Variants in RPRD1A observed in about 807,000 individuals in gnomAD.
RPRD1A encodes the protein regulation of nuclear pre-mRNA domain-containing protein 1A.
In RPRD1A, 9 loss-of-function variants were observed where a neutral mutation model predicts 37.8. The ratio of observed to expected loss-of-function variants is 0.24; its 90% CI spans 0.14 to 0.42. RPRD1A has a LOEUF of 0.42. Among genes scored for constraint, RPRD1A ranks in the 10% least tolerant of loss-of-function variants. RPRD1A has a pLI of 1.00. For synonymous variants in RPRD1A, 138 were observed against 139.7 expected (o/e 0.99, Z 0.08); for missense variants, 255 against 371.0 (o/e 0.69, Z 2.57).
At chr18:36,012,897 T>A (rs1483987430) in intron 6 of RPRD1A, among the ~76,000 whole-genome samples, 1 of 152,236 alleles carries the variant, frequency 6.6e-6, no homozygotes. Context: ...GGTCCGAACA[T>A]TCCTACAAGA....
intron 6 of RPRD1A, among the ~76,000 whole-genome samples, chr18:36,004,893 A>G (rs1568115513): frequency 6.6e-6 from 1 of 151,998 alleles, no homozygotes; most frequent in Non-Finnish European, 1.5e-5. Flanking sequence ...ACAGATTGAG[A>G]CTCTGACTCA....
chr18:35,995,665 C>A (rs1364945336), intron 6 of RPRD1A, among the ~76,000 whole-genome samples: 1 of 152,154 alleles, frequency 6.6e-6, no homozygotes, highest in South Asian at 2.1e-4. Flanking sequence ...TGAAAAGTTT[C>A]CCACTTCTTA....
At chr18:36,008,193 C>T (rs1462973299) in intron 6 of RPRD1A, among the ~76,000 whole-genome samples, 1 of 152,022 alleles carries the variant, frequency 6.6e-6, no homozygotes, top group African/African-American at 2.4e-5. Context: ...TTTTAAAAGG[C>T]ATTGTCTGTA....
intron 6 of RPRD1A, among the ~76,000 whole-genome samples, chr18:36,017,909 T>C (rs957462651): frequency 2.6e-5 from 4 of 152,240 alleles, no homozygotes; most frequent in African/African-American, 9.6e-5. Context: ...TATACAATGC[T>C]AAGGATTACT....
chr18:36,022,322 C>T (rs1361723816), intron 6 of RPRD1A, among the ~76,000 whole-genome samples: 2 of 152,188 alleles, frequency 1.3e-5, no homozygotes, highest in South Asian at 2.1e-4. Flanking sequence ...GAGGCTCTAG[C>T]TAAGGTCGTT....
chr18:36,015,016 A>T (rs1910417431), intron 6 of RPRD1A, among the ~76,000 whole-genome samples: 1 of 151,980 alleles, frequency 6.6e-6, no homozygotes, highest in Non-Finnish European at 1.5e-5. Flanking sequence ...ATGTTGTAGC[A>T]CTATGGAAAC....
At chr18:36,032,432 G>A (rs1911857955) in intron 2 of RPRD1A, among the ~76,000 whole-genome samples, 2 of 152,198 alleles carry the variant, frequency 1.3e-5, no homozygotes, top group African/African-American at 4.8e-5. Flanking sequence ...GAATAAATGC[G>A]AGACAGAGGT....
intron 1 of RPRD1A, chr18:36,040,763 G>T: frequency 8.3e-7 from 1 of 1,199,758 alleles, no homozygotes; most frequent in Non-Finnish European, 1.2e-6. Context: ...AGCTTTTTAG[G>T]CAAGTGGTAC....
At chr18:36,061,456 C>T (rs550362729) in intron 1 of RPRD1A, among the ~76,000 whole-genome samples, 2 of 152,304 alleles carry the variant, frequency 1.3e-5, no homozygotes, top group African/African-American at 4.8e-5. Context: ...TCACCAACTA[C>T]AAAGAATTTC....
intron 1 of RPRD1A, among the ~76,000 whole-genome samples, chr18:36,057,994 A>C (rs1913912261): frequency 6.6e-6 from 1 of 152,216 alleles, no homozygotes; most frequent in Non-Finnish European, 1.5e-5. Context: ...GTTCACTAAG[A>C]CAGTAAGGAG....
intron 1 of RPRD1A, among the ~76,000 whole-genome samples, chr18:36,059,234 T>A (rs1348380900): frequency 2.0e-5 from 3 of 151,932 alleles, no homozygotes; most frequent in African/African-American, 7.3e-5. Flanking sequence ...GCTTCCCGGG[T>A]TCAAGTGATT....
chr18:36,066,799 T>C (rs1052705071), intron 1 of RPRD1A, among the ~76,000 whole-genome samples: 5 of 152,228 alleles, frequency 3.3e-5, no homozygotes, highest in Admixed American at 1.3e-4. Flanking sequence ...CTTCTTATAT[T>C]AGACTTCTAA....
At chr18:36,039,933 T>C (rs893507103) in intron 1 of RPRD1A, among the ~76,000 whole-genome samples, 5 of 151,920 alleles carry the variant, frequency 3.3e-5, no homozygotes, top group African/African-American at 1.2e-4. Flanking sequence ...CACATACATA[T>C]CAATGGGAGG....
intron 1 of RPRD1A, among the ~76,000 whole-genome samples, chr18:36,062,459 T>C (rs1408319868): frequency 6.9e-6 from 1 of 144,710 alleles, no homozygotes; most frequent in South Asian, 2.2e-4. Flanking sequence ...TGAAAACATA[T>C]CCACAAAAAA....
chr18:36,048,443 T>A lies in RPRD1A; in HGVS notation c.152-14606A>T, dbSNP rs552378377. On this transcript the variant is annotated intron_variant, in intron 1 of 6. Coordinates refer to ENST00000399022, the MANE Select transcript of RPRD1A (RefSeq NM_018170.5). Reference sequence around the variant, plus strand: ...AAAAGAATTTTACAACACAGATAAGTGTAATTTATTCCAGGAATGCAAAGC... The same window carrying A: ...AAAAGAATTTTACAACACAGATAAGAGTAATTTATTCCAGGAATGCAAAGC... 2.6e-5 allele frequency among the ~76,000 whole-genome samples: 4 copies of A among 152,258 alleles called. No individual in the cohort carries two copies. The South Asian group carries it at 8.3e-4, about 32-fold the overall frequency.
intron 6 of RPRD1A, among the ~76,000 whole-genome samples, chr18:35,996,576 T>C (rs1046769222): frequency 3.3e-5 from 5 of 152,192 alleles, no homozygotes; most frequent in African/African-American, 1.2e-4. Flanking sequence ...ATCTTAGTTA[T>C]TTCTGGTCAA....
intron 1 of RPRD1A, among the ~76,000 whole-genome samples, chr18:36,042,388 T>C (rs1912643563): frequency 6.6e-6 from 1 of 152,380 alleles, no homozygotes; most frequent in South Asian, 2.1e-4. Flanking sequence ...GCTCCTAATT[T>C]GATCAACATT....
chr18:36,002,248 C>G (rs1487516250), intron 6 of RPRD1A, among the ~76,000 whole-genome samples: 1 of 152,156 alleles, frequency 6.6e-6, no homozygotes, highest in African/African-American at 2.4e-5. Flanking sequence ...GTACATTATA[C>G]CTTTCCAAAT....
At chr18:36,065,875 A>ATT (rs879922283) in intron 1 of RPRD1A, among the ~76,000 whole-genome samples, 4 of 145,502 alleles carry the variant, frequency 2.7e-5, no homozygotes, top group East Asian at 3.9e-4. Flanking sequence ...CAGTACTGCC[A>ATT]TTTTTTTTTT....
Sources: allele counts gnomAD v4.1 joint callset (sites outside exome capture counted in the v4.1 genomes callset), GRCh38; gene constraint gnomAD v4.1.1; transcripts MANE v1.5; gene names NCBI Gene and HGNC (gene_info 2026-07-23, HGNC 2026-07-21).